Variants in CSMD1 observed in about 807,000 individuals in gnomAD.
CSMD1 encodes CUB and Sushi multiple domains 1.
CSMD1 carries 213 observed loss-of-function variants against 417.5 expected under a neutral mutation model. That is an observed-to-expected ratio of 0.51 (90% CI 0.46 to 0.57). The LOEUF is 0.57. Among genes scored for constraint, CSMD1 ranks in the 20% least tolerant of loss-of-function variants. The pLI, the probability that CSMD1 is intolerant of heterozygous loss-of-function variation, is 0.00. For missense variants in CSMD1, 6,923 were observed against 4,529.7 expected (o/e 1.53, Z -15.17); for synonymous variants, 2,862 against 1,736.8 (o/e 1.65, Z -16.11).
chr8:4,787,936 T>C (rs920485092), intron 1 of CSMD1: 190 of 1,593,652 alleles, frequency 1.2e-4, no homozygotes, highest in Non-Finnish European at 1.5e-4. Flanking sequence ...GCTGATGTAA[T>C]TGACAATGAT....
intron 1 of CSMD1, among the ~76,000 whole-genome samples, chr8:4,909,397 C>A (rs1051954404): frequency 6.6e-6 from 1 of 152,116 alleles, no homozygotes; most frequent in Non-Finnish European, 1.5e-5. Context: ...CCATGACACC[C>A]ACTAAGTATG....
At chr8:4,756,755 G>A (rs1811692913) in intron 1 of CSMD1, among the ~76,000 whole-genome samples, 1 of 152,188 alleles carries the variant, frequency 6.6e-6, no homozygotes, top group Non-Finnish European at 1.5e-5. Context: ...AAATGTAGCA[G>A]CTTCCTGGGA....
chr8:3,257,604 A>T (rs895909170), intron 26 of CSMD1, among the ~76,000 whole-genome samples: 1 of 152,168 alleles, frequency 6.6e-6, no homozygotes, highest in African/African-American at 2.4e-5. Context: ...CCCTGAGATG[A>T]TGACACATAT....
At chr8:4,916,019 C>T (rs79914946) in intron 1 of CSMD1, among the ~76,000 whole-genome samples, 1,557 of 152,238 alleles carry the variant, frequency 0.01, 15 homozygotes, top group Middle Eastern at 0.02. Context: ...ACCTGTTGCC[C>T]CTCGTTCATA....
chr8:4,567,558 T>C (rs542894865), intron 2 of CSMD1, among the ~76,000 whole-genome samples: 9 of 152,190 alleles, frequency 5.9e-5, no homozygotes, highest in Non-Finnish European at 1.2e-4. Flanking sequence ...CTTCATTAAG[T>C]GTCTGAATTA....
chr8:4,963,136 G>A (rs145036824), intron 1 of CSMD1, among the ~76,000 whole-genome samples: 75 of 152,214 alleles, frequency 4.9e-4, no homozygotes, highest in African/African-American at 1.7e-3. Flanking sequence ...CCTCCTACAG[G>A]CAGTCAATTG....
At chr8:4,416,449 T>G (rs1192381447) in intron 3 of CSMD1, among the ~76,000 whole-genome samples, 1 of 152,092 alleles carries the variant, frequency 6.6e-6, no homozygotes, top group African/African-American at 2.4e-5. Context: ...CATTTGAAAT[T>G]ATATTCATAA....
At chr8:4,159,719 G>C (rs1797040006) in intron 3 of CSMD1, among the ~76,000 whole-genome samples, 1 of 152,160 alleles carries the variant, frequency 6.6e-6, no homozygotes, top group Admixed American at 6.5e-5. Context: ...CTCCCGAGCA[G>C]CTGGGACTAC....
chr8:4,216,348 A>C (rs1202306118), intron 3 of CSMD1, among the ~76,000 whole-genome samples: 1 of 152,086 alleles, frequency 6.6e-6, no homozygotes, highest in Non-Finnish European at 1.5e-5. Flanking sequence ...AGTTCCCTTG[A>C]TCTCATCACT....
At chr8:3,539,026 G>A (rs1035513630) in intron 10 of CSMD1, among the ~76,000 whole-genome samples, 1 of 152,090 alleles carries the variant, frequency 6.6e-6, no homozygotes, top group Non-Finnish European at 1.5e-5. Flanking sequence ...AACACATTAG[G>A]ACAGCCTGAA....
At chr8:4,199,570 G>A (rs948100007) in intron 3 of CSMD1, among the ~76,000 whole-genome samples, 4 of 152,122 alleles carry the variant, frequency 2.6e-5, no homozygotes, top group Non-Finnish European at 4.4e-5. Context: ...GGAGCTACCG[G>A]ACAACAGACA....
chr8:4,218,107 T>C (rs2128806500), intron 3 of CSMD1, among the ~76,000 whole-genome samples: 1 of 152,306 alleles, frequency 6.6e-6, no homozygotes, highest in African/African-American at 2.4e-5. Flanking sequence ...AATCGGACAT[T>C]GGCGATGACC....
At chr8:3,255,509 G>A (rs1454246414) in intron 26 of CSMD1, among the ~76,000 whole-genome samples, 2 of 152,174 alleles carry the variant, frequency 1.3e-5, no homozygotes, top group Admixed American at 6.5e-5. Context: ...GCTGTGGTGG[G>A]CTCCACCCAG....
chr8:4,217,895 T>C (rs1800778584), intron 3 of CSMD1, among the ~76,000 whole-genome samples: 1 of 152,072 alleles, frequency 6.6e-6, no homozygotes, highest in South Asian at 2.1e-4. Context: ...TGGTTTCAGA[T>C]GAGACTATGC....
rs534154100 is a variant in CSMD1, at chr8:4,146,071, G to A, written c.416-113972C>T. On this transcript the variant is annotated intron_variant, in intron 3 of 69. Coordinates refer to ENST00000635120, the MANE Select transcript of CSMD1 (RefSeq NM_033225.6). ...GCAACATTGCAGACACTTGAGGGAG[G>A]CAATTGCATGTATCTGCCTCCCACA... is the stretch of plus-strand genomic sequence containing the variant. 1.1e-4 allele frequency among the ~76,000 whole-genome samples: 17 copies of A among 150,944 alleles called. No individual in the cohort carries two copies. In the East Asian group the frequency reaches 3.3e-3, roughly 29 times the overall value.
At chr8:3,691,548 T>C (rs1443732783) in intron 7 of CSMD1, among the ~76,000 whole-genome samples, 1 of 152,190 alleles carries the variant, frequency 6.6e-6, no homozygotes, top group Non-Finnish European at 1.5e-5. Flanking sequence ...CCTACCTGAA[T>C]GAATAATTGT....
intron 23 of CSMD1, among the ~76,000 whole-genome samples, chr8:3,321,047 G>C (rs1017156134): frequency 2.6e-5 from 4 of 152,124 alleles, no homozygotes; most frequent in African/African-American, 7.2e-5. Flanking sequence ...TCATCTGAAA[G>C]ACACGCAACT....
At chr8:3,061,257 C>T (rs1171220277) in intron 49 of CSMD1, among the ~76,000 whole-genome samples, 3 of 152,174 alleles carry the variant, frequency 2.0e-5, no homozygotes, top group South Asian at 2.1e-4. Flanking sequence ...GTTTACAAAG[C>T]AAAACATCTG....
At chr8:4,498,029 T>C (rs1476281058) in intron 2 of CSMD1, among the ~76,000 whole-genome samples, 3 of 152,256 alleles carry the variant, frequency 2.0e-5, no homozygotes, top group East Asian at 1.9e-4. Context: ...CCAGGCTTCA[T>C]TGTCATCTGC....
Sources: allele counts gnomAD v4.1 joint callset (sites outside exome capture counted in the v4.1 genomes callset), GRCh38; gene constraint gnomAD v4.1.1; transcripts MANE v1.5; gene names NCBI Gene and HGNC (gene_info 2026-07-23, HGNC 2026-07-21).